Variants in STON2 observed in about 807,000 individuals in gnomAD.
STON2 encodes the protein stonin 2, also known as stonin-2.
In STON2, 29 loss-of-function variants were observed where a neutral mutation model predicts 65.7. The ratio of observed to expected loss-of-function variants is 0.44; its 90% confidence interval spans 0.33 to 0.60. The LOEUF (loss-of-function observed/expected upper bound fraction) is 0.60, where lower values mean the gene tolerates loss of function less well. STON2 is among the 20% of genes least tolerant of loss of function. The probability of loss-of-function intolerance (pLI) is 0.03; values close to 1 mark genes in which losing one functional copy is unlikely to be tolerated. For missense variants in STON2, 1,054 were observed against 1,118.1 expected (o/e 0.94, Z 0.82); for synonymous variants, 404 against 414.2 (o/e 0.98, Z 0.30).
At chr14:81,368,007 G>A (rs940531901) in intron 4 of STON2, among the ~76,000 whole-genome samples, 1 of 152,088 alleles carries the variant, frequency 6.6e-6, no homozygotes, top group Non-Finnish European at 1.5e-5. Context: ...ATCTGTCAAG[G>A]ACATATGGAC....
chr14:81,265,990 A>T lies in STON2; in HGVS notation c.*2424T>A, dbSNP rs191937852. 7 of 985,344 alleles carry T rather than the reference A, an allele frequency of 7.1e-6. No individual in the cohort carries two copies. The African/African-American group carries it at 1.0e-4, about 15-fold the overall frequency. The allele number at this position is 985,344 out of a possible 1,614,324, so 61.0% of individuals were successfully genotyped here. On this transcript the variant is annotated 3_prime_UTR_variant, in exon 8 of 8. Transcript: ENST00000614646. ...TGAGGAATTAATCTCAAAAGCCTTC[A>T]GTACAACAGGGGAAGAGATATGCGT...
At chr14:81,308,816 A>G (rs1221893901) in intron 5 of STON2, among the ~76,000 whole-genome samples, 18 of 9,792 alleles carry the variant, frequency 1.8e-3, no homozygotes, top group African/African-American at 8.1e-3. Context: ...ATATATATAT[A>G]TATATATATG....
In STON2 at chr14:81,318,126, C is replaced by T. The variant is rs138989268; in HGVS notation, c.742+5891G>A. ...GATTACAGGCGTGCACCACCATGCC[C>T]GGCTAATTTGTATTTTTAGTAGAGA... On this transcript the variant is annotated intron_variant, in intron 5 of 7. Coordinates refer to ENST00000614646, the MANE Select transcript of STON2 (RefSeq NM_001394390.1). 1.5e-4 allele frequency among the ~76,000 whole-genome samples: 23 copies of T among 152,000 alleles called. 1 individual carries two copies. The highest frequency in any genetic ancestry group is 1.4e-3 in the East Asian group (7 of 5,142).
In STON2 at chr14:81,267,906, G is replaced by A. The variant is rs1894419247; in HGVS notation, c.*508C>T. 1.0e-6 allele frequency: 1 copy of A among 985,538 alleles called. No individual in the cohort carries two copies. Among genetic ancestry groups the A allele is most frequent in the South Asian group, 4.7e-5 (1 of 21,298 alleles). 61.0% of individuals were successfully genotyped at this position (985,538 alleles called of 1,614,324 possible). A position where few individuals can be genotyped will look rare whatever the true frequency, so the allele number is the denominator to read the frequency against. On this transcript the variant is annotated 3_prime_UTR_variant, in exon 8 of 8. Transcript: ENST00000614646. ...GAGACACCTCAAAAAGGTCTAGTAA[G>A]ACCCAAAGAGGAAATTTGTTTTGCA... is the stretch of plus-strand genomic sequence containing the variant.
rs138554160 is a variant in STON2, at chr14:81,262,701, AT to A, written c.*5712del. ...TTAGAATTGACAAATTGAGAGACAC[AT>A]TTTTTTTTCAATTCTCAAAACAACT... On this transcript the variant is annotated 3_prime_UTR_variant, in exon 8 of 8. Transcript: ENST00000614646. The A allele has an allele frequency of 2.0e-6, 2 of 981,934 alleles. No individual in the cohort carries two copies. The highest frequency in any genetic ancestry group is 2.4e-6 in the Non-Finnish European group (2 of 827,434). The allele number at this position is 981,934 out of a possible 1,614,324, so 60.8% of individuals were successfully genotyped here.
chr14:81,432,771 C>G (rs1281658423), intron 1 of STON2, among the ~76,000 whole-genome samples: 1 of 152,214 alleles, frequency 6.6e-6, no homozygotes, highest in Admixed American at 6.5e-5. Context: ...TTAATATACA[C>G]CTAGAGACTC....
chr14:81,313,808 A>AAAAT (rs1269777285), intron 5 of STON2, among the ~76,000 whole-genome samples: 1 of 82,516 alleles, frequency 1.2e-5, no homozygotes, highest in African/African-American at 6.5e-5. Context: ...AAAAAAAAAA[A>AAAAT]ATACACACAC....
intron 4 of STON2, among the ~76,000 whole-genome samples, chr14:81,364,857 A>G (rs1450540826): frequency 1.3e-5 from 2 of 152,164 alleles, no homozygotes; most frequent in Non-Finnish European, 2.9e-5. Flanking sequence ...AGACGATTTT[A>G]GCCACCCGTA....
intron 6 of STON2, among the ~76,000 whole-genome samples, chr14:81,274,540 C>T (rs1894729653): frequency 2.0e-5 from 3 of 151,688 alleles, no homozygotes; most frequent in Admixed American, 1.3e-4. Context: ...TTCTTTCTCT[C>T]CTTTTGGGAA....
chr14:81,399,306 C>T (rs1900485505), intron 1 of STON2, among the ~76,000 whole-genome samples: 1 of 152,094 alleles, frequency 6.6e-6, no homozygotes, highest in Non-Finnish European at 1.5e-5. Flanking sequence ...CAACCTGAAC[C>T]TAGCTCTTGA....
At chr14:81,272,537 C>T (rs1260373861) in intron 6 of STON2, among the ~76,000 whole-genome samples, 2 of 152,172 alleles carry the variant, frequency 1.3e-5, no homozygotes, top group East Asian at 1.9e-4. Flanking sequence ...CATACACACC[C>T]GCTCTCCAAG....
rs770633488 is a variant in STON2, at chr14:81,270,749, G to A, written c.2705C>T (p.Ala902Val). 1 of 1,614,168 alleles carries A rather than the reference G, an allele frequency of 6.2e-7. No individual in the cohort carries two copies. The highest frequency in any genetic ancestry group is 1.7e-5 in the Admixed American group (1 of 60,018). The change falls in exon 7 of 8, where the codon GCC becomes GTC. Residue 902 changes from alanine to valine, a missense_variant. By Grantham distance (64) the Ala-to-Val change is moderately conservative. Transcript: ENST00000614646. Reference protein sequence around the residue: ...FSMPTTSASKASVRSISVEDK... With the variant: ...FSMPTTSASKVSVRSISVEDK... The stretch of plus-strand genomic sequence containing the variant: ...TTCTACAGAGATAGATCTCACGCTG[G>A]CTTTGGAGGCAGAAGTTGTGGGCAT...
At chr14:81,425,075 A>C (rs999406602) in intron 2 of STON2, among the ~76,000 whole-genome samples, 1 of 152,180 alleles carries the variant, frequency 6.6e-6, no homozygotes, top group Non-Finnish European at 1.5e-5. Flanking sequence ...AAGCATATAA[A>C]CCATAAATGC....
intron 3 of STON2, among the ~76,000 whole-genome samples, chr14:81,386,357 T>C (rs1336939040): frequency 6.6e-6 from 1 of 152,036 alleles, no homozygotes; most frequent in Non-Finnish European, 1.5e-5. Flanking sequence ...CTACCCCCAT[T>C]AGCCAGAATG....
rs140702275 is a variant in STON2, at chr14:81,340,715, C to G, written c.572-16528G>C. 2.0e-5 allele frequency among the ~76,000 whole-genome samples: 3 copies of G among 152,176 alleles called. No individual in the cohort carries two copies. The East Asian group carries it at 5.8e-4, about 29-fold the overall frequency. ...TAGCCTGGGTTCCTGAACTCTGGAG[C>G]ACTGCACACAGACACCAACTCGCAC... On this transcript the variant is annotated intron_variant, in intron 4 of 7. Transcript: ENST00000614646.
intron 2 of STON2, among the ~76,000 whole-genome samples, chr14:81,416,547 T>C (rs773459204): frequency 1.7e-4 from 26 of 152,210 alleles, no homozygotes; most frequent in Admixed American, 9.2e-4. Flanking sequence ...TGGTCATCTA[T>C]GTGAGCCATG....
intron 3 of STON2, among the ~76,000 whole-genome samples, chr14:81,380,739 CAT>C (rs1028138286): frequency 1.1e-4 from 17 of 152,164 alleles, no homozygotes; most frequent in Non-Finnish European, 2.5e-4. Flanking sequence ...CCAAATACCA[CAT>C]GTTCTCACTT....
chr14:81,286,105 G>A (rs760723039), intron 5 of STON2, among the ~76,000 whole-genome samples: 4 of 151,994 alleles, frequency 2.6e-5, no homozygotes, highest in Non-Finnish European at 4.4e-5. Flanking sequence ...CCGAGACTGC[G>A]CCACTGCACT....
intron 4 of STON2, among the ~76,000 whole-genome samples, chr14:81,324,924 A>T (rs1438935824): frequency 1.3e-5 from 2 of 152,216 alleles, no homozygotes; most frequent in Non-Finnish European, 1.5e-5. Context: ...CGGAACAGGT[A>T]CTTGCCTCAA....
Sources: gnomAD v4.1 joint callset for allele counts (sites outside exome capture counted in the v4.1 genomes callset) on GRCh38, gnomAD v4.1.1 for gene constraint, MANE v1.5 for transcripts, NCBI Gene and HGNC (gene_info 2026-07-23, HGNC 2026-07-21) for gene names.